Variants in SASH1 observed in about 807,000 individuals in gnomAD.
SASH1 encodes SAM and SH3 domain-containing protein 1.
Under a neutral mutation model 125.2 loss-of-function variants are expected in SASH1, and 44 were observed. The ratio of observed to expected loss-of-function variants is 0.35; its 90% CI spans 0.28 to 0.45. The LOEUF is 0.45. Among genes scored for constraint, SASH1 ranks in the 20% least tolerant of loss-of-function variants. The pLI, the probability that SASH1 is intolerant of heterozygous loss-of-function variation, is 1.00. For synonymous variants in SASH1, 639 were observed against 649.1 expected (o/e 0.98, Z 0.24); for missense variants, 1,426 against 1,614.5 (o/e 0.88, Z 2.00).
chr6:148,249,699 C>A, the SASH1 span, among the ~76,000 whole-genome samples: 21 of 152,170 alleles, frequency 1.4e-4, no homozygotes, highest in South Asian at 1.7e-3. Context: ...ACATGCCAGG[C>A]ACTGTTCTAA....
At position 148,462,238 on chromosome 6, in the gene SASH1, T is replaced by C. The variant is rs531901967; in HGVS notation, c.387-6307T>C. ...TAAGTACAGGTTTTCCAGTAACATA[T>C]AGCATATGTTCCTTTCTTGGAAATG... On this transcript the variant is annotated intron_variant, in intron 4 of 19. Transcript: ENST00000367467. Among the ~76,000 whole-genome samples the C allele has an allele frequency of 3.3e-5, 5 of 152,234 alleles. No individual in the cohort carries two copies. The Middle Eastern group carries it at 0.014, about 414-fold the overall frequency.
At chr6:148,489,850 C>CTGTG (rs151183028) in intron 8 of SASH1, among the ~76,000 whole-genome samples, 5,224 of 136,552 alleles carry the variant, frequency 0.038, 234 homozygotes, top group African/African-American at 0.11. Flanking sequence ...GCTATATAGG[C>CTGTG]TGTGTGTGTG....
chr6:148,338,667 T>C (rs2114619592), upstream of SASH1, among the ~76,000 whole-genome samples: 1 of 152,190 alleles, frequency 6.6e-6, no homozygotes, highest in South Asian at 2.1e-4. Context: ...GTGATGATGA[T>C]GATGATGGTG....
intron 7 of SASH1, among the ~76,000 whole-genome samples, chr6:148,481,814 C>T (rs1447169591): frequency 6.6e-6 from 1 of 152,108 alleles, no homozygotes; most frequent in African/African-American, 2.4e-5. Context: ...GTTTGAAATA[C>T]TGTAGGAATT....
the SASH1 span, among the ~76,000 whole-genome samples, chr6:148,252,687 C>T: frequency 1.3e-5 from 2 of 152,118 alleles, no homozygotes; most frequent in South Asian, 4.1e-4. Flanking sequence ...CCATGTTGGC[C>T]AGGCTGGTCT....
At chr6:148,474,343 T>A in intron 7 of SASH1, 121 bp downstream of exon 7, 4 of 599,532 alleles carry the variant, frequency 6.7e-6, no homozygotes, top group South Asian at 2.1e-5. Context: ...AAATATTTAT[T>A]CTGTTTACTT....
At chr6:148,388,884 T>TA (rs1783586716) in intron 1 of SASH1, among the ~76,000 whole-genome samples, 1 of 152,120 alleles carries the variant, frequency 6.6e-6, no homozygotes, top group Admixed American at 6.6e-5. Flanking sequence ...TTAGGTGGTC[T>TA]AAAAGTCGTA....
intron 8 of SASH1, 24 bp from the exon 9 acceptor site, chr6:148,514,300 C>G (rs771471611): frequency 1.5e-4 from 233 of 1,595,748 alleles, no homozygotes; most frequent in Non-Finnish European, 1.9e-4. Context: ...ACCTGATTAA[C>G]TTTTTCCTTT....
At chr6:148,255,030 AG>A in the SASH1 span, among the ~76,000 whole-genome samples, 1 of 152,224 alleles carries the variant, frequency 6.6e-6, no homozygotes, top group Non-Finnish European at 1.5e-5. Context: ...ATCAATAAAA[AG>A]GAATGAAGTA....
At chr6:148,399,847 A>G (rs1178734135) in intron 2 of SASH1, among the ~76,000 whole-genome samples, 1 of 152,186 alleles carries the variant, frequency 6.6e-6, no homozygotes, top group African/African-American at 2.4e-5. Flanking sequence ...TGGAGTCAGG[A>G]CCATTCAGGG....
At chr6:148,231,099 T>G in the SASH1 span, among the ~76,000 whole-genome samples, 1 of 152,256 alleles carries the variant, frequency 6.6e-6, no homozygotes, top group Non-Finnish European at 1.5e-5. Context: ...CTAGGAGCTT[T>G]ATGGCTTTAG....
At chr6:148,307,074 TTCTTTCTTTC>T (rs1780157439) in intron 1 of SASH1, among the ~76,000 whole-genome samples, 1 of 132,642 alleles carries the variant, frequency 7.5e-6, no homozygotes, top group African/African-American at 3.2e-5. Flanking sequence ...CTTTCTTTCT[TTCTTTCTTTC>T]TTTCTTTCTT....
intron 1 of SASH1, among the ~76,000 whole-genome samples, chr6:148,305,882 A>G (rs1582942989): frequency 6.6e-6 from 1 of 152,324 alleles, no homozygotes; most frequent in East Asian, 1.9e-4. Context: ...ATCAGGTACC[A>G]GAACGTTTAT....
chr6:148,422,667 A>G (rs1009370410), intron 2 of SASH1, among the ~76,000 whole-genome samples: 4 of 152,328 alleles, frequency 2.6e-5, no homozygotes, highest in Admixed American at 1.3e-4. Flanking sequence ...ACTAAGTTTC[A>G]TAATTTATAG....
intron 1 of SASH1, among the ~76,000 whole-genome samples, chr6:148,370,560 A>G (rs1782667048): frequency 1.3e-5 from 2 of 152,136 alleles, no homozygotes; most frequent in Admixed American, 1.3e-4. Flanking sequence ...GCGGTGGCTC[A>G]CGCCTGTAAT....
chr6:148,387,516 C>CT (rs1783427861), intron 1 of SASH1, among the ~76,000 whole-genome samples: 1 of 136,084 alleles, frequency 7.3e-6, no homozygotes, highest in African/African-American at 2.9e-5. Flanking sequence ...TTTCTTTTTC[C>CT]TTCTTTCTTT....
At chr6:148,487,790 ATTTCT>A in intron 8 of SASH1, 75 bp downstream of exon 8, 1 of 1,138,884 alleles carries the variant, frequency 8.8e-7, no homozygotes, top group South Asian at 1.3e-5. Context: ...TAGTCTTTGT[ATTTCT>A]TTTCGAAACT....
chr6:148,305,439 A>G (rs1780100340), intron 1 of SASH1, among the ~76,000 whole-genome samples: 2 of 152,152 alleles, frequency 1.3e-5, no homozygotes, highest in South Asian at 4.1e-4. Context: ...CCTGGTCAAT[A>G]CGGTGAAACC....
At chr6:148,229,973 A>G in the SASH1 span, among the ~76,000 whole-genome samples, 2 of 152,050 alleles carry the variant, frequency 1.3e-5, no homozygotes, top group African/African-American at 2.4e-5. Flanking sequence ...CGGCCTCCCA[A>G]AGTGCTGGGA....
Sources: gnomAD v4.1 joint callset for allele counts (sites outside exome capture counted in the v4.1 genomes callset) on GRCh38, gnomAD v4.1.1 for gene constraint, MANE v1.5 for transcripts, NCBI Gene and HGNC (gene_info 2026-07-23, HGNC 2026-07-21) for gene names.